The following EEF2 variants were observed in gnomAD, a reference collection of about 807,000 sequenced individuals.
EEF2 encodes eukaryotic translation elongation factor 2, also known as elongation factor 2.
In EEF2, 21 loss-of-function variants were observed where a neutral mutation model predicts 85.3. The ratio of observed to expected loss-of-function variants is 0.25; its 90% CI spans 0.17 to 0.35. The LOEUF is 0.35. Ranked by LOEUF, EEF2 falls within the 10% of genes least tolerant of loss-of-function variation. The pLI, the probability that EEF2 is intolerant of heterozygous loss-of-function variation, is 1.00. For synonymous variants in EEF2, 723 were observed against 508.8 expected, an observed-to-expected ratio of 1.42 and a Z score of -5.67; for missense variants, 825 against 1,225.3, an observed-to-expected ratio of 0.67 and a Z score of 4.88.
chr19:3,983,390 C>T lies in EEF2; in HGVS notation c.219-99G>A, dbSNP rs1599197955. 8 of 1,337,310 alleles carry T rather than the reference C, an allele frequency of 6.0e-6. No individual in the cohort carries two copies. The East Asian group carries it at 2.0e-4, about 33-fold the overall frequency. The allele number at this position is 1,337,310 out of a possible 1,614,324, so 82.8% of individuals were successfully genotyped here. ...AGCCAGGCTGCTCCTCCCTCCATGACTCATCCCTGGAGAGGCTCCCACAAG... is the reference window on the plus strand; with the variant it reads ...AGCCAGGCTGCTCCTCCCTCCATGATTCATCCCTGGAGAGGCTCCCACAAG... On this transcript the variant is annotated intron_variant, in intron 2 of 14. Transcript: ENST00000309311.
At chr19:3,981,096 G>T (rs1389686449) in intron 7 of EEF2, 117 bp from the exon 8 acceptor site, 10 of 1,443,798 alleles carry the variant, frequency 6.9e-6, no homozygotes, top group Non-Finnish European at 9.2e-6. Context: ...GTTCTCCAAA[G>T]CACAGTCCCT....
rs1260504687 is a variant in EEF2, at chr19:3,982,035, T to G, written c.809A>C (p.Asn270Thr). 3 of 1,614,096 alleles carry G rather than the reference T, an allele frequency of 1.9e-6. No homozygotes were observed. The highest frequency in any genetic ancestry group is 1.7e-5 in the Admixed American group (1 of 60,016). The change falls in exon 6 of 15, where the codon AAC becomes ACC. Residue 270 changes from asparagine (N) to threonine (T), a missense_variant. By Grantham distance (65) the Asn-to-Thr change is moderately conservative. Transcript: ENST00000309311. ...LWGDRYFDPA[N>T]GKFSKSATSP... ...GGTGGCTGACTTGCTGAACTTGCCG[T>G]TGGCTGGGTCAAAGTACCTGGCAAG...
rs746226898 is a variant in EEF2 at position 3,977,585 on chromosome 19, C to T, written c.2093G>A (p.Arg698Gln). 4 of 1,549,896 alleles carry T rather than the reference C, an allele frequency of 2.6e-6. No homozygotes were observed. Among genetic ancestry groups the T allele is most frequent in the South Asian group, 1.2e-5 (1 of 82,516 alleles). ...KEGALCEENM[R>Q]GVRFDVHDVT... ...GTCGTGGACGTCGAAGCGCACACCC[C>T]GCATGTTCTCCTCACACAGTGCGCC... Residue 698 changes from arginine (R) to glutamine (Q), a missense_variant, in exon 13 of 15, where the codon CGG becomes CAG. By Grantham distance (43) the Arg-to-Gln change is conservative. Transcript: ENST00000309311. The surrounding 1 kb of genome is among the most constrained non-coding windows in gnomAD (Gnocchi z 5.4).
intron 7 of EEF2, 43 bp from the exon 8 acceptor site, chr19:3,981,022 A>G: frequency 1.3e-6 from 2 of 1,546,266 alleles, no homozygotes; most frequent in Non-Finnish European, 8.7e-7. Context: ...TGGGGAGCCC[A>G]GGATGGCCCC....
In EEF2 at chr19:3,977,193, G is replaced by A. The variant is rs1027485386; in HGVS notation, c.2383+22C>T. The A allele has an allele frequency of 6.2e-7, 1 of 1,610,084 alleles. No individual in the cohort carries two copies. Among genetic ancestry groups the A allele is most frequent in the East Asian group, 2.2e-5 (1 of 44,796 alleles). On this transcript the variant is annotated intron_variant, in intron 14 of 14. Coordinates refer to ENST00000309311, the MANE Select transcript of EEF2 (RefSeq NM_001961.4). This position sits in a 1 kb window ranked among gnomAD's most constrained non-coding sequence, Gnocchi z 5.4. ...CAAACCAGCCTGCCAGGCTCTGCAG[G>A]CCACACCGGGCAGGCACTCACCAAA...
Position 3,979,864 on chromosome 19 carries a change from G to C in EEF2, c.1549C>G (p.Leu517Val). The change falls in exon 10 of 15, where the codon CTG (leucine) becomes GTG (valine). Residue 517 changes from leucine to valine, a missense_variant. Coordinates refer to ENST00000309311, the MANE Select transcript of EEF2 (RefSeq NM_001961.4). ...VAVEAKNPAD[L>V]PKLVEGLKRL... ...TTCAGCCCCTCCACCAGCTTGGGCAGGTCAGCCGGGTTCTTGGCCTCCACG... is the reference window on the plus strand; with the variant it reads ...TTCAGCCCCTCCACCAGCTTGGGCACGTCAGCCGGGTTCTTGGCCTCCACG... 6.2e-7 allele frequency: 1 copy of C among 1,613,782 alleles called. No homozygotes were observed. The highest frequency in any genetic ancestry group is 8.5e-7 in the Non-Finnish European group (1 of 1,180,038).
At position 3,983,246 on chromosome 19, in the gene EEF2, G is replaced by A. The variant is rs944309641; in HGVS notation, c.264C>T (p.Phe88=). 4 of 1,613,834 alleles carry A rather than the reference G, an allele frequency of 2.5e-6. No homozygotes were observed. The highest frequency in any genetic ancestry group is 2.2e-5 in the East Asian group (1 of 44,850). ...FYELSENDLN[F]IKQSKDGAGF... ...CGGCACCGTCCTTGCTCTGCTTGAT[G>A]AAGTTCAAGTCATTCTCCGAGAGCT... The change falls in exon 3 of 15, where the codon TTC becomes TTT. Residue 88 remains phenylalanine (F), a synonymous_variant. Transcript: ENST00000309311.
At position 3,981,421 on chromosome 19, in the gene EEF2, T is replaced by C; in HGVS notation, c.929A>G (p.Glu310Gly). 6.2e-7 allele frequency: 1 copy of C among 1,614,208 alleles called. No individual in the cohort carries two copies. ...TTTCTCTATCAGTTTTGCTGTCTCC[T>C]CTTTCTTGAAATTCATGATCGCATC... is the stretch of plus-strand genomic sequence containing the variant. The part of the protein sequence containing the change: ...VFDAIMNFKK[E>G]ETAKLIEKLD... The change falls in exon 7 of 15, where the codon GAG becomes GGG. Residue 310 changes from glutamate to glycine, a missense_variant. By Grantham distance (98) the Glu-to-Gly change is moderately conservative. Coordinates refer to ENST00000309311, the MANE Select transcript of EEF2 (RefSeq NM_001961.4).
At chr19:3,980,380 G>T in intron 9 of EEF2, 134 bp downstream of exon 9, 1 of 1,188,984 alleles carries the variant, frequency 8.4e-7, no homozygotes, top group Non-Finnish European at 1.2e-6. Flanking sequence ...AACAAAAGTT[G>T]TGGCTGGCAC....
intron 8 of EEF2, 62 bp from the exon 9 acceptor site, chr19:3,980,771 C>A (rs754879692): frequency 3.1e-4 from 502 of 1,593,822 alleles, no homozygotes; most frequent in Non-Finnish European, 3.9e-4. Flanking sequence ...TGGAACCCTG[C>A]AACCCACAAC....
chr19:3,976,465 C>T lies in EEF2; in HGVS notation c.*89G>A, dbSNP rs2039680958. On this transcript the variant is annotated 3_prime_UTR_variant, in exon 15 of 15. Coordinates refer to ENST00000309311, the MANE Select transcript of EEF2 (RefSeq NM_001961.4). ...TCAGGGGAGCGTCGCTGTGTCGGGACAGTCTCCAGGTGTCGTCTGAGAATT... is the reference window on the plus strand; with the variant it reads ...TCAGGGGAGCGTCGCTGTGTCGGGATAGTCTCCAGGTGTCGTCTGAGAATT... 3 of 1,462,188 alleles carry T rather than the reference C, an allele frequency of 2.1e-6. No homozygotes were observed. The highest frequency in any genetic ancestry group is 4.1e-5 in the Admixed American group (2 of 49,180). The allele number at this position is 1,462,188 out of a possible 1,614,324, so 90.6% of individuals were successfully genotyped here. A position where few individuals can be genotyped will look rare whatever the true frequency, so the allele number is the denominator to read the frequency against.
At chr19:3,981,917 G>A (rs200486901) in intron 6 of EEF2, 30 bp downstream of exon 6, 2,282 of 1,601,994 alleles carry the variant, frequency 1.4e-3, no homozygotes, top group Admixed American at 1.8e-3. Context: ...TAGTCGCATC[G>A]GCGGGGTGCC....
In EEF2 at chr19:3,982,356, C is replaced by T; in HGVS notation, c.681G>A (p.Gln227=). ...GLHGWAFTLK[Q]FAEMYVAKFA... Reference sequence around the variant, plus strand: ...ACTTGGCCACATACATCTCGGCAAACTGCTTCAGGGTGAAGGCCCACCCGT... The same window carrying T: ...ACTTGGCCACATACATCTCGGCAAATTGCTTCAGGGTGAAGGCCCACCCGT... Residue 227 remains glutamine, a synonymous_variant, in exon 5 of 15, where the codon CAG becomes CAA. Coordinates refer to ENST00000309311, the MANE Select transcript of EEF2 (RefSeq NM_001961.4). 6.2e-7 allele frequency: 1 copy of T among 1,614,178 alleles called. No individual in the cohort carries two copies. The highest frequency in any genetic ancestry group is 8.5e-7 in the Non-Finnish European group (1 of 1,180,036).
chr19:3,976,878 A>G (rs1224938320), intron 14 of EEF2, 131 bp from the exon 15 acceptor site: 5 of 1,127,690 alleles, frequency 4.4e-6, no homozygotes, highest in South Asian at 1.6e-5. Context: ...CCTGGTGCCC[A>G]GCACTTCACG....
Position 3,983,021 on chromosome 19 carries a change from G to A in EEF2, c.401-3C>T. On this transcript the variant is annotated splice_polypyrimidine_tract_variant and splice_region_variant and intron_variant, in intron 3 of 14. Transcript: ENST00000309311. ...TGTCTCCGTCTGCACGCACACGCCT[G>A]GGGACACGGGGGACAGGGCGGCGCT... is the stretch of plus-strand genomic sequence containing the variant. 1.9e-6 allele frequency: 3 copies of A among 1,612,624 alleles called. No homozygotes were observed. Among genetic ancestry groups the A allele is most frequent in the Non-Finnish European group, 2.5e-6 (3 of 1,179,830 alleles).
chr19:3,985,444 C>T lies in EEF2; in HGVS notation c.-64G>A. The T allele has an allele frequency of 5.6e-6, 8 of 1,428,812 alleles. No homozygotes were observed. The highest frequency in any genetic ancestry group is 7.4e-6 in the Non-Finnish European group (8 of 1,083,416). 88.5% of individuals were successfully genotyped at this position (1,428,812 alleles called of 1,614,324 possible). On this transcript the variant is annotated 5_prime_UTR_variant, in exon 1 of 15. Transcript: ENST00000309311. Reference sequence around the variant, plus strand: ...AAGAAGCGAGTCGCGCCGAGGATGGCGGCGACGACGGCGGAAGAGAACGCT... The same window carrying T: ...AAGAAGCGAGTCGCGCCGAGGATGGTGGCGACGACGGCGGAAGAGAACGCT...
intron 6 of EEF2, 96 bp downstream of exon 6, chr19:3,981,851 G>A: frequency 8.8e-7 from 1 of 1,132,630 alleles, no homozygotes; most frequent in Non-Finnish European, 1.3e-6. Flanking sequence ...CCCACAAGGA[G>A]ACGGGCCCAG....
chr19:3,979,714 TCCA>T (rs1185153005), intron 10 of EEF2, 91 bp downstream of exon 10: 14 of 1,527,436 alleles, frequency 9.2e-6, no homozygotes, highest in Non-Finnish European at 1.2e-5. Flanking sequence ...GTCACCCCAA[TCCA>T]CCAACCACAG....
chr19:3,980,455 T>C lies in EEF2; in HGVS notation c.1346+59A>G, dbSNP rs529082804. On this transcript the variant is annotated intron_variant, in intron 9 of 14. Transcript: ENST00000309311. ...GCTCCCGACTGAGGAGCCCAAGACTTGGAGCAGGGCAGGGCCCGCAACAGT... is the reference window on the plus strand; with the variant it reads ...GCTCCCGACTGAGGAGCCCAAGACTCGGAGCAGGGCAGGGCCCGCAACAGT... The C allele has an allele frequency of 1.9e-6, 3 of 1,545,254 alleles. No individual in the cohort carries two copies. The South Asian group carries it at 3.6e-5, about 19-fold the overall frequency.
Sources: allele counts gnomAD v4.1 joint callset, GRCh38; gene constraint gnomAD v4.1.1; non-coding constraint Gnocchi (gnomAD v3.1); transcripts MANE v1.5; gene names NCBI Gene and HGNC (gene_info 2026-07-23, HGNC 2026-07-21).